The following DGKB variants were observed in gnomAD, a reference collection of about 807,000 sequenced individuals.
The protein encoded by DGKB is 90 kDa diacylglycerol kinase.
In DGKB, 67 loss-of-function variants were observed where a neutral mutation model predicts 114.3. That is an observed-to-expected ratio of 0.59 (90% CI 0.48 to 0.72). The LOEUF (loss-of-function observed/expected upper bound fraction) is 0.72. DGKB is among the 30% of genes least tolerant of loss of function. DGKB has a pLI of 0.00. For synonymous variants in DGKB, 398 were observed against 323.1 expected (o/e 1.23, Z -2.49); for missense variants, 907 against 975.2 (o/e 0.93, Z 0.93).
intron 17 of DGKB, among the ~76,000 whole-genome samples, chr7:14,584,897 T>A (rs1800509404): frequency 6.6e-6 from 1 of 152,030 alleles, no homozygotes; most frequent in Admixed American, 6.6e-5. Flanking sequence ...TGACCTCAGG[T>A]GATCCATTCT....
At chr7:14,540,976 T>C (rs1793333932) in intron 20 of DGKB, among the ~76,000 whole-genome samples, 2 of 152,180 alleles carry the variant, frequency 1.3e-5, no homozygotes, top group South Asian at 4.1e-4. Flanking sequence ...GTATGCAATG[T>C]ATATGAATGC....
chr7:14,691,851 A>G (rs1236399820), intron 9 of DGKB, among the ~76,000 whole-genome samples: 1 of 151,852 alleles, frequency 6.6e-6, no homozygotes, highest in Non-Finnish European at 1.5e-5. Flanking sequence ...ACTCTGGAAC[A>G]CAGCTCTGAT....
intron 20 of DGKB, among the ~76,000 whole-genome samples, chr7:14,485,638 C>T (rs1460858458): frequency 6.6e-6 from 1 of 152,004 alleles, no homozygotes; most frequent in Non-Finnish European, 1.5e-5. Flanking sequence ...GTGGCTCACG[C>T]CTGTAATCCC....
intron 22 of DGKB, among the ~76,000 whole-genome samples, chr7:14,344,476 A>T (rs1007134576): frequency 1.3e-5 from 2 of 151,752 alleles, no homozygotes. Context: ...TTTAGGTATC[A>T]GTAGCAAATT....
chr7:14,933,365 C>T (rs1785126160), intron 1 of DGKB, among the ~76,000 whole-genome samples: 1 of 152,134 alleles, frequency 6.6e-6, no homozygotes, highest in African/African-American at 2.4e-5. Context: ...CCTTCAGTTC[C>T]TCTCTTAAAT....
At chr7:14,363,972 A>G (rs1340686459) in intron 21 of DGKB, among the ~76,000 whole-genome samples, 1 of 152,066 alleles carries the variant, frequency 6.6e-6, no homozygotes, top group Non-Finnish European at 1.5e-5. Flanking sequence ...AAGAAATATG[A>G]TAGGTCAATT....
intron 25 of DGKB, among the ~76,000 whole-genome samples, chr7:14,161,993 T>A (rs1253285945): frequency 6.6e-6 from 1 of 152,204 alleles, no homozygotes; most frequent in Non-Finnish European, 1.5e-5. Flanking sequence ...CCCAGGAAGA[T>A]CCCTGTGAAA....
chr7:14,387,953 C>T (rs1186746536), intron 21 of DGKB, among the ~76,000 whole-genome samples: 1 of 146,290 alleles, frequency 6.8e-6, no homozygotes, highest in African/African-American at 2.5e-5. Flanking sequence ...CATCTTGGTT[C>T]ACTGCAACCT....
chr7:14,422,239 T>A (rs917744703), intron 21 of DGKB, among the ~76,000 whole-genome samples: 8 of 152,050 alleles, frequency 5.3e-5, no homozygotes, highest in African/African-American at 7.2e-5. Flanking sequence ...TACTTCAGAA[T>A]TTGCCTGCTG....
upstream of DGKB, chr7:14,974,838 A>C (rs1787695536): frequency 6.6e-6 from 1 of 152,140 alleles, no homozygotes; most frequent in East Asian, 1.9e-4. Context: ...ATTTCCTTTT[A>C]CTAGGTAGCT....
chr7:14,509,352 G>A (rs947114611), intron 20 of DGKB, among the ~76,000 whole-genome samples: 10 of 152,080 alleles, frequency 6.6e-5, no homozygotes, highest in African/African-American at 2.4e-4. Context: ...TTGCCTTCAT[G>A]TCTTTATGCC....
At chr7:14,894,294 TC>T (rs1781761660) in intron 1 of DGKB, among the ~76,000 whole-genome samples, 1 of 151,428 alleles carries the variant, frequency 6.6e-6, no homozygotes, top group Non-Finnish European at 1.5e-5. Context: ...TCTTTCTTTA[TC>T]TCTTAACATA....
At chr7:14,477,041 T>C (rs1213587278) in intron 21 of DGKB, among the ~76,000 whole-genome samples, 1 of 152,080 alleles carries the variant, frequency 6.6e-6, no homozygotes, top group Non-Finnish European at 1.5e-5. Flanking sequence ...TGAGCCACCG[T>C]GCCCGGCCTA....
intron 21 of DGKB, among the ~76,000 whole-genome samples, chr7:14,426,534 C>G (rs564770012): frequency 1.3e-5 from 2 of 152,180 alleles, no homozygotes; most frequent in Admixed American, 1.3e-4. Flanking sequence ...TATAAAGTGA[C>G]CAGACTAAAA....
At chr7:14,545,766 T>C (rs915366131) in intron 20 of DGKB, among the ~76,000 whole-genome samples, 2 of 152,234 alleles carry the variant, frequency 1.3e-5, no homozygotes, top group African/African-American at 4.8e-5. Context: ...TGACATCGTA[T>C]ACTGGGTGAG....
At chr7:14,926,101 G>C (rs1418124395) in intron 1 of DGKB, among the ~76,000 whole-genome samples, 3 of 151,982 alleles carry the variant, frequency 2.0e-5, no homozygotes, top group Non-Finnish European at 4.4e-5. Flanking sequence ...TTTTTATCAT[G>C]AATAGATTTT....
At chr7:14,199,200 C>A (rs1047207145) in intron 23 of DGKB, among the ~76,000 whole-genome samples, 28 of 152,024 alleles carry the variant, frequency 1.8e-4, no homozygotes, top group African/African-American at 6.7e-4. Flanking sequence ...GTGGCTATTC[C>A]ACTTTTGATA....
At chr7:14,744,924 G>C (rs1278676948) in intron 4 of DGKB, among the ~76,000 whole-genome samples, 1 of 152,058 alleles carries the variant, frequency 6.6e-6, no homozygotes, top group Non-Finnish European at 1.5e-5. Context: ...GAAACAAAAG[G>C]CATGGGTAAT....
chr7:14,925,571 G>A (rs78733219), intron 1 of DGKB, among the ~76,000 whole-genome samples: 2,134 of 152,086 alleles, frequency 0.014, 56 homozygotes, highest in African/African-American at 0.049. Context: ...TTGATTTATT[G>A]CATCAAAAAT....
Sources: allele counts gnomAD v4.1 joint callset (sites outside exome capture counted in the v4.1 genomes callset), GRCh38; gene constraint gnomAD v4.1.1; transcripts MANE v1.5; gene names NCBI Gene and HGNC (gene_info 2026-07-23, HGNC 2026-07-21).